The following TMTC2 variants were observed in gnomAD, a reference collection of about 807,000 sequenced individuals.
The protein encoded by TMTC2 is transmembrane O-mannosyltransferase targeting cadherins 2.
Under a neutral mutation model 82.4 loss-of-function variants are expected in TMTC2, and 43 were observed. The observed-to-expected ratio is 0.52, with a 90% CI of 0.41 to 0.67. The LOEUF (loss-of-function observed/expected upper bound fraction) is 0.67, where lower values mean the gene tolerates loss of function less well. Ranked by LOEUF, TMTC2 falls within the 30% of genes least tolerant of loss-of-function variation. The pLI, the probability that TMTC2 is intolerant of heterozygous loss-of-function variation, is 0.00. For missense variants in TMTC2, 919 were observed against 1,012.4 expected (o/e 0.91, Z 1.25); for synonymous variants, 408 against 381.9 (o/e 1.07, Z -0.80).
chr12:82,879,986 C>A (rs1167523112), intron 2 of TMTC2, among the ~76,000 whole-genome samples: 2 of 152,100 alleles, frequency 1.3e-5, no homozygotes, highest in African/African-American at 2.4e-5. Flanking sequence ...ATTCATTAGG[C>A]AATTATACAC....
intron 8 of TMTC2, among the ~76,000 whole-genome samples, chr12:82,995,952 T>G (rs1339665619): frequency 6.6e-6 from 1 of 152,220 alleles, no homozygotes; most frequent in Non-Finnish European, 1.5e-5. Flanking sequence ...AAATTGCTCT[T>G]TAGCTTTTTG....
In TMTC2 at chr12:82,687,537, C is replaced by T. The variant is rs1280003820; in HGVS notation, c.-50C>T. 1 of 1,545,896 alleles carries T rather than the reference C, an allele frequency of 6.5e-7. No homozygotes were observed. The highest frequency in any genetic ancestry group is 1.4e-5 in the African/African-American group (1 of 74,056). ...GATTGATGCTTCTGTTTTTTGTTGC[C>T]GCTGCTGCCCTCGCGCTGGGAGCCG... On this transcript the variant is annotated 5_prime_UTR_variant, in exon 1 of 12. Transcript: ENST00000321196.
intron 7 of TMTC2, among the ~76,000 whole-genome samples, chr12:82,978,868 T>C (rs1218777841): frequency 2.6e-5 from 4 of 151,760 alleles, no homozygotes; most frequent in Non-Finnish European, 4.4e-5. Context: ...TTCTCCAGAG[T>C]TGGGTGCGTA....
intron 2 of TMTC2, among the ~76,000 whole-genome samples, chr12:82,874,211 A>G (rs1872362129): frequency 6.6e-6 from 1 of 152,322 alleles, no homozygotes; most frequent in African/African-American, 2.4e-5. Context: ...GCCATATGGC[A>G]TAATGACATA....
rs540901793 is a variant in TMTC2, at chr12:83,091,957, T to G, written c.2331+30126T>G. 3.9e-5 allele frequency among the ~76,000 whole-genome samples: 6 copies of G among 152,342 alleles called. 1 individual carries two copies. Among genetic ancestry groups the G allele is most frequent in the Admixed American group, 3.9e-4 (6 of 15,310 alleles). ...GAAATAGATATGTGATTAGTGAAAA[T>G]GCAAGTTGTAGATTTATCCCTGTAG... On this transcript the variant is annotated intron_variant, in intron 11 of 11. Transcript: ENST00000321196.
In TMTC2 at chr12:82,953,167, G is replaced by C. The variant is rs181134439; in HGVS notation, c.1599-11857G>C. Among the ~76,000 whole-genome samples, 23 of 152,300 alleles carry C rather than the reference G, an allele frequency of 1.5e-4. No individual in the cohort carries two copies. In the Middle Eastern group the frequency reaches 0.01, roughly 68 times the overall value. On this transcript the variant is annotated intron_variant, in intron 4 of 11. Transcript: ENST00000321196. The stretch of plus-strand genomic sequence containing the variant: ...GCAAAGAGGTGGGGTAAGGGAGGAA[G>C]TGCGCTCCTTTCAGGTGATTTCCTA...
chr12:82,937,736 G>A lies in TMTC2; in HGVS notation c.1598+7191G>A, dbSNP rs7955210. Among the ~76,000 whole-genome samples the A allele has an allele frequency of 1.7e-3, 22 of 12,892 alleles. 2 individuals are homozygous for A. Among genetic ancestry groups the A allele is most frequent in the Admixed American group, 5.2e-3 (4 of 770 alleles). 8.5% of individuals were successfully genotyped at this position (12,892 alleles called of 152,430 possible). A position where few individuals can be genotyped will look rare whatever the true frequency, so the allele number is the denominator to read the frequency against. The stretch of plus-strand genomic sequence containing the variant: ...TGTGTGTGTGTGTGTGTGGATGTGT[G>A]TGTGTGTGTGTGTGTATATATATAT... On this transcript the variant is annotated intron_variant, in intron 4 of 11. Transcript: ENST00000321196.
intron 11 of TMTC2, among the ~76,000 whole-genome samples, chr12:83,109,012 A>T (rs909124645): frequency 6.6e-6 from 1 of 152,158 alleles, no homozygotes; most frequent in Non-Finnish European, 1.5e-5. Context: ...TAAAAGGCCA[A>T]GTTCTCTCAG....
intron 1 of TMTC2, among the ~76,000 whole-genome samples, chr12:82,722,415 A>AT (rs1249347902): frequency 6.7e-6 from 1 of 148,866 alleles, no homozygotes; most frequent in East Asian, 2.0e-4. Context: ...AAAAAAAAAA[A>AT]AATTAGCCGG....
intron 8 of TMTC2, among the ~76,000 whole-genome samples, chr12:83,009,756 T>C (rs903595087): frequency 6.6e-6 from 1 of 152,160 alleles, no homozygotes; most frequent in Non-Finnish European, 1.5e-5. Context: ...CCCCCATCCT[T>C]TTTGGCACCA....
chr12:82,722,395 A>G, intron 1 of TMTC2, among the ~76,000 whole-genome samples: 1 of 76,688 alleles, frequency 1.3e-5, no homozygotes, highest in African/African-American at 5.5e-5. Context: ...TCTACTAAAA[A>G]TACAAAAAAA....
intron 1 of TMTC2, among the ~76,000 whole-genome samples, chr12:82,821,200 G>A (rs1288154055): frequency 1.3e-5 from 2 of 152,082 alleles, no homozygotes; most frequent in Non-Finnish European, 1.5e-5. Flanking sequence ...ATATCACCTC[G>A]TTTGTTTTGA....
intron 7 of TMTC2, among the ~76,000 whole-genome samples, chr12:82,985,117 C>T (rs1209133103): frequency 3.3e-5 from 5 of 151,934 alleles, no homozygotes; most frequent in Non-Finnish European, 5.9e-5. Flanking sequence ...TGAGTGCAGT[C>T]GTGCGATCAG....
chr12:82,687,977 A>G (rs1872409556), intron 1 of TMTC2, among the ~76,000 whole-genome samples: 1 of 152,218 alleles, frequency 6.6e-6, no homozygotes, highest in Admixed American at 6.5e-5. Context: ...AACGTATTAA[A>G]TTAAAGTCTT....
At chr12:82,966,847 ATTATC>A (rs1207308237) in intron 6 of TMTC2, 67 bp from the exon 7 acceptor site, 15 of 1,117,472 alleles carry the variant, frequency 1.3e-5, no homozygotes, top group Non-Finnish European at 1.8e-5. Flanking sequence ...GAAGAAAGTT[ATTATC>A]TTATTTTCAG....
Position 82,906,313 on chromosome 12 carries a change from T to C in TMTC2, c.1483+9667T>C, listed in dbSNP as rs144059903. ...ATTTCACCAATAATTTGTCATGATA[T>C]GTCCAAGGGAAGATAAAAATTTTTC... On this transcript the variant is annotated intron_variant, in intron 3 of 11. Transcript: ENST00000321196. 1.1e-3 allele frequency among the ~76,000 whole-genome samples: 170 copies of C among 152,292 alleles called. 2 individuals are homozygous for C. In the East Asian group the frequency reaches 0.027, roughly 24 times the overall value.
intron 1 of TMTC2, among the ~76,000 whole-genome samples, chr12:82,811,567 T>G (rs1868393197): frequency 6.6e-6 from 1 of 151,906 alleles, no homozygotes; most frequent in Non-Finnish European, 1.5e-5. Context: ...TGGGGAAAAT[T>G]GTTTAAAGCT....
intron 1 of TMTC2, among the ~76,000 whole-genome samples, chr12:82,761,360 G>C (rs998611618): frequency 6.6e-6 from 1 of 152,214 alleles, no homozygotes; most frequent in African/African-American, 2.4e-5. Flanking sequence ...TGGCTGGTCA[G>C]ATAAGAGAAA....
intron 8 of TMTC2, among the ~76,000 whole-genome samples, chr12:83,015,381 G>A (rs1006678811): frequency 1.3e-5 from 2 of 152,190 alleles, no homozygotes; most frequent in African/African-American, 4.8e-5. Flanking sequence ...ATTCTCTGAT[G>A]ATTGGGAGTG....
Sources: allele counts gnomAD v4.1 joint callset (sites outside exome capture counted in the v4.1 genomes callset), GRCh38; gene constraint gnomAD v4.1.1; transcripts MANE v1.5; gene names NCBI Gene and HGNC (gene_info 2026-07-23, HGNC 2026-07-21).